ZNF431: variants seen among roughly 807,000 people sequenced by gnomAD.
ZNF431 encodes the protein zinc finger protein 431.
Under a neutral mutation model 57.0 loss-of-function variants are expected in ZNF431, and 34 were observed. That is an observed-to-expected ratio of 0.60 (90% CI 0.45 to 0.79). The LOEUF (loss-of-function observed/expected upper bound fraction) is 0.79, where lower values mean the gene tolerates loss of function less well. Ranked by LOEUF, ZNF431 falls within the 30% of genes least tolerant of loss-of-function variation. The probability of loss-of-function intolerance (pLI) is 0.00; values close to 1 mark genes in which losing one functional copy is unlikely to be tolerated. For synonymous variants in ZNF431, 207 were observed against 220.3 expected (o/e 0.94, Z 0.54); for missense variants, 607 against 667.1 (o/e 0.91, Z 0.99).
At chr19:21,169,486 T>C (rs1970820105) in intron 4 of ZNF431, among the ~76,000 whole-genome samples, 1 of 152,158 alleles carries the variant, frequency 6.6e-6, no homozygotes. Context: ...GATCTTTTTC[T>C]GTTGTGTCCC....
chr19:21,172,877 G>C (rs919862216), intron 4 of ZNF431, among the ~76,000 whole-genome samples: 9 of 152,150 alleles, frequency 5.9e-5, no homozygotes, highest in African/African-American at 2.2e-4. Flanking sequence ...CACATGTTGT[G>C]AAACTAAAAC....
chr19:21,163,767 C>T (rs1261397993), intron 2 of ZNF431, among the ~76,000 whole-genome samples: 2 of 152,012 alleles, frequency 1.3e-5, no homozygotes, highest in African/African-American at 4.8e-5. Context: ...TGATCCGCCC[C>T]ACTCTGTGTC....
intron 2 of ZNF431, among the ~76,000 whole-genome samples, chr19:21,157,840 T>C (rs1218099054): frequency 6.6e-6 from 1 of 150,482 alleles, no homozygotes; most frequent in African/African-American, 2.4e-5. Context: ...TTGTCTACTT[T>C]TTAATGAATT....
chr19:21,157,807 C>A (rs140667861), intron 2 of ZNF431, among the ~76,000 whole-genome samples: 2 of 151,396 alleles, frequency 1.3e-5, no homozygotes, highest in South Asian at 4.2e-4. Context: ...GGATTACAGG[C>A]GTGAGCCACC....
chr19:21,153,353 A>T (rs577632778), intron 2 of ZNF431, among the ~76,000 whole-genome samples: 110 of 152,190 alleles, frequency 7.2e-4, no homozygotes, highest in Non-Finnish European at 1.3e-3. Flanking sequence ...ATTTTTACTC[A>T]GCCTCTATTC....
At chr19:21,145,981 T>A (rs149870831) in intron 2 of ZNF431, among the ~76,000 whole-genome samples, 175 of 152,276 alleles carry the variant, frequency 1.1e-3, no homozygotes, top group Non-Finnish European at 1.7e-3. Context: ...CTGAGGATAG[T>A]TCAAAGTTCT....
intron 2 of ZNF431, among the ~76,000 whole-genome samples, chr19:21,150,715 G>C (rs956032659): frequency 3.3e-5 from 5 of 152,118 alleles, no homozygotes; most frequent in African/African-American, 4.8e-5. Flanking sequence ...ATGTTTCTCT[G>C]ATCCAAATAT....
At chr19:21,171,751 C>T (rs1438188508) in intron 4 of ZNF431, among the ~76,000 whole-genome samples, 4 of 121,868 alleles carry the variant, frequency 3.3e-5, no homozygotes, top group South Asian at 5.1e-4. Flanking sequence ...GACAGAGTCT[C>T]GCCTTTTCGC....
intron 2 of ZNF431, among the ~76,000 whole-genome samples, chr19:21,153,366 A>G (rs1423680969): frequency 6.6e-6 from 1 of 152,158 alleles, no homozygotes; most frequent in Non-Finnish European, 1.5e-5. Flanking sequence ...CTCTATTCAA[A>G]ATAGAGGCTG....
rs1004154968 is a variant in ZNF431, at chr19:21,142,069, T to C, written c.-115T>C. ...CTCGCCGCAGCCTGAGCTCCAGGTC[T>C]CCCCTTCGCTGCTCTGTGTCCTCTG... On this transcript the variant is annotated 5_prime_UTR_variant, in exon 1 of 5. Coordinates refer to ENST00000311048, the MANE Select transcript of ZNF431 (RefSeq NM_133473.4). The C allele has an allele frequency of 1.4e-6, 2 of 1,390,102 alleles. No individual in the cohort carries two copies. Among genetic ancestry groups the C allele is most frequent in the Admixed American group, 1.8e-5 (1 of 55,896 alleles). 86.1% of individuals were successfully genotyped at this position (1,390,102 alleles called of 1,614,324 possible).
chr19:21,147,849 A>G (rs1162870210), intron 2 of ZNF431, among the ~76,000 whole-genome samples: 3 of 152,154 alleles, frequency 2.0e-5, no homozygotes, highest in South Asian at 2.1e-4. Flanking sequence ...CCAATAACAT[A>G]TTTACACAAA....
Position 21,142,043 on chromosome 19 carries a change from T to C in ZNF431, c.-141T>C. The stretch of plus-strand genomic sequence containing the variant: ...TCCGGGATGTGGCGGGGCCTTTGTC[T>C]CTCGCCGCAGCCTGAGCTCCAGGTC... On this transcript the variant is annotated 5_prime_UTR_variant, in exon 1 of 5. Transcript: ENST00000311048. 1.8e-6 allele frequency: 2 copies of C among 1,126,012 alleles called. No individual in the cohort carries two copies. Among genetic ancestry groups the C allele is most frequent in the Non-Finnish European group, 1.3e-6 (1 of 768,012 alleles). 69.8% of individuals were successfully genotyped at this position (1,126,012 alleles called of 1,614,324 possible). A position where few individuals can be genotyped will look rare whatever the true frequency, so the allele number is the denominator to read the frequency against.
chr19:21,175,422 A>G (rs185613294), intron 4 of ZNF431: 55 of 695,362 alleles, frequency 7.9e-5, no homozygotes, highest in Admixed American at 7.8e-4. Flanking sequence ...TTCTTTTTTT[A>G]AGTTTAATTT....
At chr19:21,179,038 T>C (rs115028693) in intron 4 of ZNF431, among the ~76,000 whole-genome samples, 108 of 152,294 alleles carry the variant, frequency 7.1e-4, no homozygotes, top group African/African-American at 2.4e-3. Flanking sequence ...CCCGCCTCAA[T>C]TTCAGAACTT....
rs1971381374 is a variant in ZNF431, at chr19:21,186,687, T to C, written c.*2653T>C. 6.6e-6 allele frequency: 1 copy of C among 152,222 alleles called. No homozygotes were observed. Among genetic ancestry groups the C allele is most frequent in the Admixed American group, 6.5e-5 (1 of 15,286 alleles). The allele number at this position is 152,222 out of a possible 1,614,324, so 9.4% of individuals were successfully genotyped here. A position where few individuals can be genotyped will look rare whatever the true frequency, so the allele number is the denominator to read the frequency against. ...ACTCATGCTAGACCCATACTTTTTT[T>C]GTTTCTTACATTTTTTTTGTTTTAT... On this transcript the variant is annotated 3_prime_UTR_variant, in exon 5 of 5. Coordinates refer to ENST00000311048, the MANE Select transcript of ZNF431 (RefSeq NM_133473.4).
At chr19:21,149,216 T>C (rs1047063200) in intron 2 of ZNF431, among the ~76,000 whole-genome samples, 5 of 152,212 alleles carry the variant, frequency 3.3e-5, no homozygotes, top group Admixed American at 1.3e-4. Flanking sequence ...CAAGGCCTTA[T>C]TTAGAATCTA....
At position 21,189,337 on chromosome 19, in the gene ZNF431, A is replaced by T. The variant is rs535387861; in HGVS notation, c.*5303A>T. 5 of 152,240 alleles carry T rather than the reference A, an allele frequency of 3.3e-5. No individual in the cohort carries two copies. The South Asian group carries it at 1.0e-3, about 32-fold the overall frequency. The allele number at this position is 152,240 out of a possible 1,614,324, so 9.4% of individuals were successfully genotyped here. ...CTGTCTCTACTAAAAATACAAAATA[A>T]GCAGCGTGTGGTGACACATGCCTGT... On this transcript the variant is annotated 3_prime_UTR_variant, in exon 5 of 5. Coordinates refer to ENST00000311048, the MANE Select transcript of ZNF431 (RefSeq NM_133473.4).
At chr19:21,147,447 A>G (rs1461117676) in intron 2 of ZNF431, among the ~76,000 whole-genome samples, 1 of 152,004 alleles carries the variant, frequency 6.6e-6, no homozygotes, top group Non-Finnish European at 1.5e-5. Flanking sequence ...CTGAGATTGC[A>G]TCATTACACT....
chr19:21,185,351 A>G lies in ZNF431; in HGVS notation c.*1317A>G, dbSNP rs1452030645. ...GATTTTTTGAAAATTGAATAATGTC[A>G]TCATTCAACTCTGAAATTATTTCCT... On this transcript the variant is annotated 3_prime_UTR_variant, in exon 5 of 5. Coordinates refer to ENST00000311048, the MANE Select transcript of ZNF431 (RefSeq NM_133473.4). The G allele has an allele frequency of 2.0e-5, 3 of 152,222 alleles. No homozygotes were observed. The highest frequency in any genetic ancestry group is 2.9e-5 in the Non-Finnish European group (2 of 68,044). 9.4% of individuals were successfully genotyped at this position (152,222 alleles called of 1,614,324 possible).
Sources: gnomAD v4.1 joint callset for allele counts (sites outside exome capture counted in the v4.1 genomes callset) on GRCh38, gnomAD v4.1.1 for gene constraint, MANE v1.5 for transcripts, NCBI Gene and HGNC (gene_info 2026-07-23, HGNC 2026-07-21) for gene names.